ANKRD26: variants seen among roughly 807,000 people sequenced by gnomAD.
ANKRD26 encodes the protein ankyrin repeat domain-containing protein 26.
In ANKRD26, 141 loss-of-function variants were observed where a neutral mutation model predicts 208.7. The observed-to-expected ratio is 0.68, with a 90% CI of 0.59 to 0.78. The LOEUF is 0.78. Ranked by LOEUF, ANKRD26 falls within the 30% of genes least tolerant of loss-of-function variation. The probability of loss-of-function intolerance (pLI) is 0.00; values close to 1 mark genes in which losing one functional copy is unlikely to be tolerated. For missense variants in ANKRD26, 1,889 were observed against 1,938.7 expected, an observed-to-expected ratio of 0.97 and a Z score of 0.48; for synonymous variants, 636 against 660.4, an observed-to-expected ratio of 0.96 and a Z score of 0.57.
intron 30 of ANKRD26, among the ~76,000 whole-genome samples, chr10:27,015,860 T>G (rs2053271112): frequency 6.6e-6 from 1 of 152,206 alleles, no homozygotes; most frequent in Non-Finnish European, 1.5e-5. Flanking sequence ...TGTTAAATTA[T>G]TGAGTTTTAA....
the ANKRD26 span, among the ~76,000 whole-genome samples, chr10:26,948,824 C>A: frequency 6.6e-6 from 1 of 152,036 alleles, no homozygotes; most frequent in Non-Finnish European, 1.5e-5. Context: ...CCTTTCTCTA[C>A]TAAAAAGACC....
rs2054736477 is a variant in ANKRD26, at chr10:27,053,524, G to A, written c.1565-134C>T. On this transcript the variant is annotated intron_variant, in intron 15 of 33. Coordinates refer to ENST00000376087, the MANE Select transcript of ANKRD26 (RefSeq NM_014915.3). ...AGGGTTTTCTTCTATTTGTTTATGA[G>A]ACAGGGCCTTACTCTGTCGCCCTAG... is the stretch of plus-strand genomic sequence containing the variant. 4.8e-6 allele frequency: 3 copies of A among 621,848 alleles called. No individual in the cohort carries two copies. The East Asian group carries it at 9.3e-5, about 19-fold the overall frequency. The allele number at this position is 621,848 out of a possible 1,614,324, so 38.5% of individuals were successfully genotyped here.
At chr10:27,021,915 TA>T (rs1229826736) in intron 29 of ANKRD26, among the ~76,000 whole-genome samples, 1 of 152,236 alleles carries the variant, frequency 6.6e-6, no homozygotes, top group African/African-American at 2.4e-5. Context: ...TAAATTTGTG[TA>T]AGTTCCTTAT....
intron 4 of ANKRD26, among the ~76,000 whole-genome samples, chr10:26,997,400 A>G (rs895752536): frequency 5.3e-5 from 8 of 152,176 alleles, no homozygotes; most frequent in Non-Finnish European, 1.2e-4. Flanking sequence ...TCAAGGTAGA[A>G]TACTAGGAGA....
intron 18 of ANKRD26, 45 bp downstream of exon 18, chr10:27,046,308 T>C (rs770885625): frequency 3.1e-6 from 5 of 1,590,896 alleles, no homozygotes; most frequent in East Asian, 4.5e-5. Context: ...AAAAAATTAC[T>C]ACTAACCTTC....
chr10:27,080,682 C>T (rs2055875781), intron 6 of ANKRD26: 1 of 985,354 alleles, frequency 1.0e-6, no homozygotes, highest in Non-Finnish European at 1.2e-6. Flanking sequence ...ATAGCATCTC[C>T]AACCTTTAAG....
chr10:27,025,736 CCT>C (rs2053639394), intron 27 of ANKRD26, among the ~76,000 whole-genome samples: 1 of 152,162 alleles, frequency 6.6e-6, no homozygotes. Context: ...CCCTTCCATT[CCT>C]CTTTTTTAAA....
At chr10:27,002,552 G>A (rs1289881554), downstream of ANKRD26, among the ~76,000 whole-genome samples, 1 of 152,170 alleles carries the variant, frequency 6.6e-6, no homozygotes, top group Admixed American at 6.5e-5. Flanking sequence ...TCCTGTCCAG[G>A]GCTGGTTCCC....
In ANKRD26 at chr10:27,080,443, C is replaced by A. The variant is rs895451602; in HGVS notation, c.741-1282G>T. Among the ~76,000 whole-genome samples, 3 of 152,264 alleles carry A rather than the reference C, an allele frequency of 2.0e-5. No homozygotes were observed. In the East Asian group the frequency reaches 5.8e-4, roughly 29 times the overall value. On this transcript the variant is annotated intron_variant, in intron 6 of 33. Coordinates refer to ENST00000376087, the MANE Select transcript of ANKRD26 (RefSeq NM_014915.3). ...TATATGCTGTTATTGGGACTACTCA[C>A]CCCAGAAATATTAAAACATTAAAAG...
intron 30 of ANKRD26, among the ~76,000 whole-genome samples, chr10:27,016,713 T>G (rs1465195937): frequency 2.0e-5 from 3 of 152,100 alleles, no homozygotes; most frequent in Non-Finnish European, 4.4e-5. Flanking sequence ...GAGAGGGTGG[T>G]TAAGCAAGTA....
rs184908124 is a variant in ANKRD26 at position 27,043,824 on chromosome 10, C to G, written c.2020-257G>C. Among the ~76,000 whole-genome samples, 8 of 151,740 alleles carry G rather than the reference C, an allele frequency of 5.3e-5. No individual in the cohort carries two copies. In the East Asian group the frequency reaches 1.5e-3, roughly 29 times the overall value. Reference sequence around the variant, plus strand: ...TGTTTTTTTTTGACATCGGGTCTCGCTCTATCACCCAGGCTGGAGTGCAGT... The same window carrying G: ...TGTTTTTTTTTGACATCGGGTCTCGGTCTATCACCCAGGCTGGAGTGCAGT... On this transcript the variant is annotated intron_variant, in intron 19 of 33. Transcript: ENST00000376087.
chr10:27,057,972 T>C (rs1214640734), intron 15 of ANKRD26, among the ~76,000 whole-genome samples: 1 of 150,558 alleles, frequency 6.6e-6, no homozygotes, highest in Non-Finnish European at 1.5e-5. Flanking sequence ...GAAACAATGA[T>C]GGCCTTAAGT....
Position 27,004,334 on chromosome 10 carries a change from A to C in ANKRD26, c.*1256T>G, listed in dbSNP as rs1317272738. 2.0e-5 allele frequency: 3 copies of C among 151,390 alleles called. No homozygotes were observed. The highest frequency in any genetic ancestry group is 2.0e-4 in the East Asian group (1 of 5,032). 9.4% of individuals were successfully genotyped at this position (151,390 alleles called of 1,614,324 possible). A position where few individuals can be genotyped will look rare whatever the true frequency, so the allele number is the denominator to read the frequency against. On this transcript the variant is annotated 3_prime_UTR_variant, in exon 34 of 34. Transcript: ENST00000376087. Reference sequence around the variant, plus strand: ...AAAAGAAAAACAAATTTTTAATAACAATATTAATGAATTATAACTCACTGA... The same window carrying C: ...AAAAGAAAAACAAATTTTTAATAACCATATTAATGAATTATAACTCACTGA...
At position 27,037,947 on chromosome 10, in the gene ANKRD26, T is replaced by G. The variant is rs758168324; in HGVS notation, c.2483A>C (p.Glu828Ala). 4.3e-6 allele frequency: 7 copies of G among 1,613,456 alleles called. No individual in the cohort carries two copies. The highest frequency in any genetic ancestry group is 5.9e-6 in the Non-Finnish European group (7 of 1,179,762). ...ACTCAGTTCAAGCTGTTGTTTCACTTCAACTTCTTTCCTATATTGCTCTTC... is the reference window on the plus strand; with the variant it reads ...ACTCAGTTCAAGCTGTTGTTTCACTGCAACTTCTTTCCTATATTGCTCTTC... ...RKEEQYRKEV[E>A]VKQQLELSLQ... is the part of the protein sequence containing the mutation. Residue 828 changes from glutamate (E) to alanine (A), a missense_variant, in exon 22 of 34, where the codon GAA (glutamate) becomes GCA (alanine). Around this residue, in one of 3 missense-constraint regions of ANKRD26, gnomAD observed 1,272 missense variants for 1,273.8 expected, o/e 1.00. Coordinates refer to ENST00000376087, the MANE Select transcript of ANKRD26 (RefSeq NM_014915.3).
intron 27 of ANKRD26, among the ~76,000 whole-genome samples, chr10:27,028,413 G>A (rs919558198): frequency 1.9e-4 from 29 of 151,710 alleles, no homozygotes; most frequent in Non-Finnish European, 4.1e-4. Context: ...TGGCTAACAC[G>A]GTGAAACCCT....
rs147644432 is a variant in ANKRD26, at chr10:27,019,126, A to C, written c.4216-1334T>G. Among the ~76,000 whole-genome samples, 59 of 152,152 alleles carry C rather than the reference A, an allele frequency of 3.9e-4. 1 individual carries two copies. The East Asian group carries it at 0.01, about 27-fold the overall frequency. ...AAACCCCATCTCTACTAAAAATACA[A>C]AAAATTAGACAGGCATGGTGGTGGG... is the stretch of plus-strand genomic sequence containing the variant. On this transcript the variant is annotated intron_variant, in intron 29 of 33. Transcript: ENST00000376087.
At chr10:26,998,664 T>C (rs542004931) in intron 4 of ANKRD26, among the ~76,000 whole-genome samples, 263 of 152,346 alleles carry the variant, frequency 1.7e-3, no homozygotes, top group African/African-American at 6.1e-3. Flanking sequence ...CCAGAATTGA[T>C]AGACAAACGC....
At chr10:27,019,644 A>C (rs2134998566) in intron 29 of ANKRD26, among the ~76,000 whole-genome samples, 1 of 152,268 alleles carries the variant, frequency 6.6e-6, no homozygotes, top group African/African-American at 2.4e-5. Context: ...TCTGGAGAAA[A>C]AACTTTCTCC....
intron 29 of ANKRD26, among the ~76,000 whole-genome samples, chr10:27,018,586 T>C (rs2053383572): frequency 6.6e-6 from 1 of 152,218 alleles, no homozygotes; most frequent in Non-Finnish European, 1.5e-5. Flanking sequence ...TAAGCCTTTT[T>C]CTGAGCTGCA....
Sources: gnomAD v4.1 joint callset for allele counts (sites outside exome capture counted in the v4.1 genomes callset) on GRCh38, gnomAD v4.1.1 for gene constraint, gnomAD v4.1.1 regional missense constraint, MANE v1.5 for transcripts, NCBI Gene and HGNC (gene_info 2026-07-23, HGNC 2026-07-21) for gene names.